NCOR2: variants seen among roughly 807,000 people sequenced by gnomAD.
NCOR2 encodes the protein nuclear receptor corepressor 2.
Under a neutral mutation model 262.9 loss-of-function variants are expected in NCOR2, and 81 were observed. That is an observed-to-expected ratio of 0.31 (90% CI 0.26 to 0.37). NCOR2 has a LOEUF of 0.37. NCOR2 is among the 10% of genes least tolerant of loss of function. NCOR2 has a pLI of 1.00. For synonymous variants in NCOR2, 1,659 were observed against 1,559.3 expected (o/e 1.06, Z -1.51); for missense variants, 3,385 against 3,621.4 (o/e 0.93, Z 1.68).
chr12:124,561,607 G>A (rs190431366), intron 1 of NCOR2, among the ~76,000 whole-genome samples: 67 of 152,306 alleles, frequency 4.4e-4, no homozygotes, highest in African/African-American at 1.4e-3. Context: ...GGAGACAGAC[G>A]GCAGGGAGAA....
chr12:124,494,479 C>T (rs563720714), intron 1 of NCOR2, among the ~76,000 whole-genome samples: 3 of 152,314 alleles, frequency 2.0e-5, no homozygotes, highest in African/African-American at 4.8e-5. Flanking sequence ...GAAATGGGGC[C>T]CCCGCTGGGA....
intron 3 of NCOR2, among the ~76,000 whole-genome samples, chr12:124,476,511 C>G (rs755967906): frequency 2.6e-5 from 4 of 152,182 alleles, no homozygotes; most frequent in Non-Finnish European, 4.4e-5. Context: ...ACTCTGAGAG[C>G]AAACTGCTCG....
chr12:124,334,164 A>G (rs1037793360), intron 41 of NCOR2, among the ~76,000 whole-genome samples: 5 of 152,172 alleles, frequency 3.3e-5, no homozygotes, highest in Non-Finnish European at 7.4e-5. Context: ...AATGCTGCCT[A>G]TGTCTCCTGG....
rs553312584 is a variant in NCOR2 at position 124,487,578 on chromosome 12, C to T, written c.106-1010G>A. Among the ~76,000 whole-genome samples, 30 of 152,340 alleles carry T rather than the reference C, an allele frequency of 2.0e-4. No homozygotes were observed. In the South Asian group the frequency reaches 5.6e-3, roughly 28 times the overall value. Reference sequence around the variant, plus strand: ...TCTAGAGGAACCCCCCACCCTCAAGCGCTCCTCTTAGTAATTTTCCATCCA... The same window carrying T: ...TCTAGAGGAACCCCCCACCCTCAAGTGCTCCTCTTAGTAATTTTCCATCCA... On this transcript the variant is annotated intron_variant, in intron 1 of 46. Coordinates refer to ENST00000405201, the Ensembl canonical transcript of NCOR2.
intron 18 of NCOR2, among the ~76,000 whole-genome samples, chr12:124,375,068 G>A (rs1203260368): frequency 6.6e-6 from 1 of 152,214 alleles, no homozygotes; most frequent in African/African-American, 2.4e-5. Context: ...CTCTAAGACT[G>A]GGACCACCAA....
intron 1 of NCOR2, among the ~76,000 whole-genome samples, chr12:124,559,673 C>T (rs1429986657): frequency 6.6e-6 from 1 of 152,140 alleles, no homozygotes; most frequent in Non-Finnish European, 1.5e-5. Flanking sequence ...AGATAAAAAT[C>T]AGAGAGCAAG....
At chr12:124,520,410 C>A (rs1342556600) in intron 1 of NCOR2, among the ~76,000 whole-genome samples, 1 of 152,192 alleles carries the variant, frequency 6.6e-6, no homozygotes, top group Non-Finnish European at 1.5e-5. Flanking sequence ...GCCTCACCAC[C>A]TCCTTCTGTT....
At chr12:124,339,905 A>ATACCTCCCC in intron 37 of NCOR2, 101 bp downstream of exon 39, 1 of 163,594 alleles carries the variant, frequency 6.1e-6, no homozygotes, top group Non-Finnish European at 1.1e-5. Context: ...CCACCCACCC[A>ATACCTCCCC]CCTCCCATAT....
Position 124,429,830 on chromosome 12 carries a change from AG to A in NCOR2, c.1056-125del. The A allele has an allele frequency of 8.6e-6, 8 of 926,286 alleles. No homozygotes were observed. The South Asian group carries it at 1.3e-4, about 15-fold the overall frequency. 57.4% of individuals were successfully genotyped at this position (926,286 alleles called of 1,614,324 possible). Reference sequence around the variant, plus strand: ...GAGAAGTGTGGGCAGCGGCCAGCAGAGGGGCCGGCCCCACACCCGGGGTCCT... The same window carrying A: ...GAGAAGTGTGGGCAGCGGCCAGCAGAGGGCCGGCCCCACACCCGGGGTCCT... On this transcript the variant is annotated intron_variant, in intron 9 of 46. Transcript: ENST00000405201.
chr12:124,401,766 G>A (rs2041998640), intron 14 of NCOR2, among the ~76,000 whole-genome samples: 1 of 152,232 alleles, frequency 6.6e-6, no homozygotes, highest in African/African-American at 2.4e-5. Flanking sequence ...GGCCCTTGCT[G>A]GAAGCGTCTG....
intron 12 of NCOR2, 95 bp downstream of exon 14, chr12:124,422,406 G>T: frequency 1.4e-6 from 2 of 1,452,164 alleles, no homozygotes; most frequent in Non-Finnish European, 1.9e-6. Context: ...GCAGGCCAGG[G>T]CCTTGTGGGC....
chr12:124,498,746 C>T (rs2048514313), upstream of NCOR2, among the ~76,000 whole-genome samples: 2 of 152,172 alleles, frequency 1.3e-5, no homozygotes, highest in Admixed American at 1.3e-4. Context: ...TTTACAGCAG[C>T]CAAAAGGCAG....
chr12:124,452,943 C>T (rs2045637137), intron 6 of NCOR2, among the ~76,000 whole-genome samples: 1 of 152,160 alleles, frequency 6.6e-6, no homozygotes, highest in South Asian at 2.1e-4. Flanking sequence ...AGGCACTCAC[C>T]AGCCACTCCC....
intron 30 of NCOR2, 49 bp from the exon 33 acceptor site, chr12:124,346,899 A>G: frequency 6.9e-7 from 1 of 1,447,526 alleles, no homozygotes; most frequent in South Asian, 1.4e-5. Context: ...ACCCAGACCC[A>G]TCAAGAGCCT....
chr12:124,426,568 C>G, intron 11 of NCOR2, 54 bp downstream of exon 13: 1 of 1,505,696 alleles, frequency 6.6e-7, no homozygotes, highest in South Asian at 1.4e-5. Flanking sequence ...GCGCAGGCCT[C>G]AACAGGATGG....
chr12:124,372,477 G>C (rs1379226444), exon 20 of NCOR2: 1 of 1,571,040 alleles, frequency 6.4e-7, no homozygotes, highest in East Asian at 2.2e-5. Context: ...CCGGTGGTGG[G>C]GTGGGTGGCC....
At chr12:124,458,958 C>T (rs2046024373) in intron 5 of NCOR2, among the ~76,000 whole-genome samples, 1 of 152,178 alleles carries the variant, frequency 6.6e-6, no homozygotes, top group African/African-American at 2.4e-5. Context: ...GGCAGGGCAG[C>T]TCCCAAACAC....
rs149525499 is a variant in NCOR2, at chr12:124,506,195, C to A, written c.-117-10827G>T. 1.7e-3 allele frequency among the ~76,000 whole-genome samples: 259 copies of A among 152,340 alleles called. 2 individuals carry two copies. Among genetic ancestry groups the A allele is most frequent in the African/African-American group, 6.2e-3 (256 of 41,578 alleles). On this transcript the variant is annotated intron_variant, in intron 1 of 46. Coordinates refer to the NCOR2 transcript ENST00000404621. ...TTCCATTCACCAAACACAATTCGCC[C>A]CACTGAACAGATCAGAAAACTGAGG... is the stretch of plus-strand genomic sequence containing the variant.
chr12:124,334,877 G>T, intron 40 of NCOR2: 1 of 619,992 alleles, frequency 1.6e-6, no homozygotes, highest in Non-Finnish European at 2.8e-6. Flanking sequence ...TGGGCCACCA[G>T]GAAGGCCTCA....
Sources: allele counts gnomAD v4.1 joint callset (sites outside exome capture counted in the v4.1 genomes callset), GRCh38; gene constraint gnomAD v4.1.1; transcripts MANE v1.5; gene names NCBI Gene and HGNC (gene_info 2026-07-23, HGNC 2026-07-21).